Variants in SLCO1A2 observed in about 807,000 individuals in gnomAD.
SLCO1A2 encodes the protein solute carrier organic anion transporter family member 1A2, also known as OATP-1.
A neutral mutation model predicts 69.0 loss-of-function variants in SLCO1A2; 67 were observed. The ratio of observed to expected loss-of-function variants is 0.97; its 90% CI spans 0.80 to 1.19. The LOEUF is 1.19. SLCO1A2 is among the 50% of genes most tolerant of loss of function. SLCO1A2 has a pLI of 0.00. For synonymous variants in SLCO1A2, 260 were observed against 265.9 expected (o/e 0.98, Z 0.22); for missense variants, 787 against 793.7 (o/e 0.99, Z 0.10).
chr12:21,371,267 T>C (rs1939769983), intron 2 of SLCO1A2, among the ~76,000 whole-genome samples: 1 of 152,174 alleles, frequency 6.6e-6, no homozygotes, highest in African/African-American at 2.4e-5. Context: ...CCATTGGCCC[T>C]GTTTTAGCTA....
At chr12:21,302,811 C>T (rs112035283) in intron 6 of SLCO1A2, among the ~76,000 whole-genome samples, 1,592 of 152,148 alleles carry the variant, frequency 0.01, 29 homozygotes, top group South Asian at 0.045. Context: ...CCTGCCTCAG[C>T]CTCCTGAGTA....
chr12:21,319,572 T>C, intron 2 of SLCO1A2: 1 of 836,154 alleles, frequency 1.2e-6, no homozygotes, highest in Admixed American at 2.4e-5. Flanking sequence ...ATTTTCAGGG[T>C]TTCTCAGCTG....
upstream of SLCO1A2, among the ~76,000 whole-genome samples, chr12:21,336,323 G>T (rs1362415448): frequency 6.6e-6 from 1 of 151,960 alleles, no homozygotes; most frequent in Non-Finnish European, 1.5e-5. Flanking sequence ...AAAAGCTGGA[G>T]GTAGTGCCAC....
At chr12:21,279,488 G>A (rs1313038091) in intron 12 of SLCO1A2, among the ~76,000 whole-genome samples, 3 of 152,106 alleles carry the variant, frequency 2.0e-5, no homozygotes, top group Admixed American at 6.6e-5. Context: ...ACAATGGAGC[G>A]CCAATACAAC....
intron 2 of SLCO1A2, among the ~76,000 whole-genome samples, chr12:21,329,673 C>G (rs1952481297): frequency 6.6e-6 from 1 of 151,638 alleles, no homozygotes; most frequent in African/African-American, 2.4e-5. Context: ...CAAGGTTTCT[C>G]CTCACTCATC....
intron 1 of SLCO1A2, among the ~76,000 whole-genome samples, chr12:21,388,573 G>A (rs1269871768): frequency 3.3e-5 from 5 of 152,192 alleles, no homozygotes; most frequent in East Asian, 3.9e-4. Flanking sequence ...GTGGAACTAT[G>A]AGTCCCTTAA....
chr12:21,391,185 G>T (rs1311097543), intron 1 of SLCO1A2, among the ~76,000 whole-genome samples: 1 of 152,130 alleles, frequency 6.6e-6, no homozygotes, highest in Non-Finnish European at 1.5e-5. Flanking sequence ...CCCTACCAAT[G>T]AGTCCCATTT....
chr12:21,412,720 A>C (rs1941928190), intron 1 of SLCO1A2, among the ~76,000 whole-genome samples: 1 of 152,194 alleles, frequency 6.6e-6, no homozygotes, highest in Non-Finnish European at 1.5e-5. Flanking sequence ...GTAGAGTGTT[A>C]AAGTGAAGGC....
intron 1 of SLCO1A2, among the ~76,000 whole-genome samples, chr12:21,415,409 T>C (rs142636945): frequency 6.6e-6 from 1 of 152,116 alleles, no homozygotes; most frequent in Non-Finnish European, 1.5e-5. Context: ...ATTTCATATA[T>C]TTCCTGGATT....
At chr12:21,370,848 T>C (rs1939732172) in intron 2 of SLCO1A2, among the ~76,000 whole-genome samples, 1 of 152,204 alleles carries the variant, frequency 6.6e-6, no homozygotes, top group African/African-American at 2.4e-5. Flanking sequence ...TCTACATCAC[T>C]GTATTTAACG....
intron 1 of SLCO1A2, among the ~76,000 whole-genome samples, chr12:21,388,698 T>A (rs1306112473): frequency 6.6e-6 from 1 of 152,130 alleles, no homozygotes; most frequent in East Asian, 1.9e-4. Flanking sequence ...ATTACTAAAA[T>A]TCTAGGGTAC....
chr12:21,326,176 C>T (rs767815338), intron 2 of SLCO1A2, among the ~76,000 whole-genome samples: 8 of 152,166 alleles, frequency 5.3e-5, no homozygotes, highest in Non-Finnish European at 1.0e-4. Flanking sequence ...TGCCTTTGCT[C>T]CTCCTGCATC....
intron 1 of SLCO1A2, among the ~76,000 whole-genome samples, chr12:21,405,075 T>C (rs1260555187): frequency 1.1e-5 from 1 of 93,400 alleles, no homozygotes; most frequent in African/African-American, 4.2e-5. Context: ...CACTTTTTAA[T>C]GGCTTTTTTT....
At chr12:21,293,622 T>C (rs532722163) in intron 11 of SLCO1A2, among the ~76,000 whole-genome samples, 1 of 151,698 alleles carries the variant, frequency 6.6e-6, no homozygotes, top group Non-Finnish European at 1.5e-5. Context: ...AGCAATTAGC[T>C]GGACAATTGA....
upstream of SLCO1A2, among the ~76,000 whole-genome samples, chr12:21,335,450 T>A (rs1012612167): frequency 1.3e-5 from 2 of 149,126 alleles, no homozygotes; most frequent in African/African-American, 5.2e-5. Flanking sequence ...CATTTTTATA[T>A]GTAAAACAAA....
At chr12:21,407,739 CA>C (rs1191527660) in intron 1 of SLCO1A2, among the ~76,000 whole-genome samples, 1 of 151,036 alleles carries the variant, frequency 6.6e-6, no homozygotes, top group Non-Finnish European at 1.5e-5. Context: ...CCTGGGAAGT[CA>C]AGACTGCAGT....
intron 2 of SLCO1A2, among the ~76,000 whole-genome samples, chr12:21,343,285 T>C (rs1591864085): frequency 6.6e-6 from 1 of 152,160 alleles, no homozygotes; most frequent in Non-Finnish European, 1.5e-5. Flanking sequence ...AGTCCTATGA[T>C]CATTTCTACT....
At chr12:21,345,078 A>T (rs905046357) in intron 2 of SLCO1A2, among the ~76,000 whole-genome samples, 1 of 151,984 alleles carries the variant, frequency 6.6e-6, no homozygotes, top group Non-Finnish European at 1.5e-5. Context: ...ACACAATAAA[A>T]GAAGCTGGTT....
chr12:21,301,224 A>C lies in SLCO1A2; in HGVS notation c.635T>G (p.Leu212Trp), dbSNP rs770726998. 3 of 1,612,698 alleles carry C rather than the reference A, an allele frequency of 1.9e-6. No individual in the cohort carries two copies. The highest frequency in any genetic ancestry group is 2.5e-6 in the Non-Finnish European group (3 of 1,179,468). ...GAIIGPLIGL[L>W]LASFCANVYV... The stretch of plus-strand genomic sequence containing the variant: ...AACATTTGCACAGAATGATGCCAAC[A>C]AAAGTCCAATCAAAGGACCAATAAT... Residue 212 changes from leucine (L) to tryptophan (W), a missense_variant, in exon 7 of 15, where the codon TTG becomes TGG. Leu to Trp is a moderately conservative substitution (Grantham distance 61). Transcript: ENST00000683939.
Sources: gnomAD v4.1 joint callset for allele counts (sites outside exome capture counted in the v4.1 genomes callset) on GRCh38, gnomAD v4.1.1 for gene constraint, MANE v1.5 for transcripts, NCBI Gene and HGNC (gene_info 2026-07-23, HGNC 2026-07-21) for gene names.